Variants in CHD1 observed in about 807,000 individuals in gnomAD.
CHD1 encodes the protein ATP-dependent chromatin remodeler CHD1.
Under a neutral mutation model 224.2 loss-of-function variants are expected in CHD1, and 36 were observed. The ratio of observed to expected loss-of-function variants is 0.16; its 90% CI spans 0.12 to 0.21. The LOEUF is 0.21. Among genes scored for constraint, CHD1 ranks in the 10% least tolerant of loss-of-function variants. The pLI, the probability that CHD1 is intolerant of heterozygous loss-of-function variation, is 1.00. For synonymous variants in CHD1, 668 were observed against 658.3 expected, an observed-to-expected ratio of 1.01 and a Z score of -0.23; for missense variants, 1,378 against 1,994.8, an observed-to-expected ratio of 0.69 and a Z score of 5.89.
Position 98,896,358 on chromosome 5 carries a change from T to C in CHD1, c.1578A>G (p.Glu526=). The change falls in exon 12 of 36, where the codon GAA becomes GAG. Residue 526 remains glutamate (E), a synonymous_variant. Coordinates refer to ENST00000614616, the MANE Select transcript of CHD1 (RefSeq NM_001270.4). ...ATAAAAAAGGTCCATATAATTGATG[T>C]TCATGAAACAAATAATTCAGAAATG... ...TISFLNYLFH[E]HQLYGPFLLV... is the part of the protein sequence containing the mutation. The C allele has an allele frequency of 6.2e-7, 1 of 1,614,048 alleles. No individual in the cohort carries two copies. Among genetic ancestry groups the C allele is most frequent in the Non-Finnish European group, 8.5e-7 (1 of 1,179,926 alleles).
chr5:98,923,826 T>C (rs1009115443), intron 2 of CHD1, among the ~76,000 whole-genome samples: 12 of 152,222 alleles, frequency 7.9e-5, no homozygotes, highest in African/African-American at 2.7e-4. Context: ...AGTCAGAATA[T>C]ACCAGCACAT....
chr5:98,877,422 T>A (rs185574550), intron 23 of CHD1, among the ~76,000 whole-genome samples: 56 of 152,366 alleles, frequency 3.7e-4, no homozygotes, highest in African/African-American at 1.3e-3. Flanking sequence ...ATGAACAGAT[T>A]GATTAGCTGT....
chr5:98,889,092 T>C lies in CHD1; in HGVS notation c.2327A>G (p.Lys776Arg), dbSNP rs1248298048. ...KPPDNNEFYN[K>R]QEALQHLIRS... ...AATTCTTACTTGTAAGGCCTCCTGT[T>C]TATTATAGAATTCATTATTATCTGG... The change falls in exon 16 of 36, where the codon AAA becomes AGA. Residue 776 changes from lysine to arginine, a missense_variant. Lys to Arg is a conservative substitution (Grantham distance 26, BLOSUM62 2). Around this residue, in one of 16 missense-constraint regions of CHD1, gnomAD observed 58 missense variants for 90.0 expected, o/e 0.64. Coordinates refer to ENST00000614616, the MANE Select transcript of CHD1 (RefSeq NM_001270.4). The C allele has an allele frequency of 6.3e-7, 1 of 1,587,438 alleles. No homozygotes were observed. The highest frequency in any genetic ancestry group is 2.2e-5 in the East Asian group (1 of 44,682).
In CHD1 at chr5:98,868,505, G is replaced by A. The variant is rs763663466; in HGVS notation, c.4238C>T (p.Thr1413Ile). ...SEESEELDQK[T>I]FSICKERMRP... ...AAGTCTAAGGCTTACAATGCTGAATGTCTTCTGATCCAGCTCTTCAGATTC... is the reference window on the plus strand; with the variant it reads ...AAGTCTAAGGCTTACAATGCTGAATATCTTCTGATCCAGCTCTTCAGATTC... The change falls in exon 31 of 36, where the codon ACA becomes ATA. Residue 1413 changes from threonine (T) to isoleucine (I), a missense_variant. Thr to Ile is a moderately conservative substitution (Grantham distance 89). Coordinates refer to ENST00000614616, the MANE Select transcript of CHD1 (RefSeq NM_001270.4). 1 of 1,608,810 alleles carries A rather than the reference G, an allele frequency of 6.2e-7. No individual in the cohort carries two copies. The highest frequency in any genetic ancestry group is 8.5e-7 in the Non-Finnish European group (1 of 1,178,888).
At chr5:98,876,636 G>T in intron 23 of CHD1, 78 bp from the exon 24 acceptor site, 1 of 1,216,792 alleles carries the variant, frequency 8.2e-7, no homozygotes, top group Non-Finnish European at 1.2e-6. Flanking sequence ...TATAAAAGAT[G>T]GTCGGAATCT....
chr5:98,899,327 A>G (rs1751542131), intron 8 of CHD1, among the ~76,000 whole-genome samples, 153 bp downstream of exon 8: 2 of 152,252 alleles, frequency 1.3e-5, no homozygotes, highest in Non-Finnish European at 1.5e-5. Flanking sequence ...GAAACCAAGG[A>G]TAGAGAAGCT....
At chr5:98,913,565 G>T (rs575740295) in intron 2 of CHD1, among the ~76,000 whole-genome samples, 1 of 152,176 alleles carries the variant, frequency 6.6e-6, no homozygotes, top group Non-Finnish European at 1.5e-5. Flanking sequence ...GGACTAACTT[G>T]ATGTTCTGAA....
chr5:98,870,889 T>C (rs959962440), intron 28 of CHD1, 86 bp from the exon 29 acceptor site: 4 of 631,772 alleles, frequency 6.3e-6, no homozygotes, highest in Non-Finnish European at 1.1e-5. Context: ...CATTTAAATA[T>C]ATATATAGTT....
chr5:98,902,372 A>T (rs114316287), intron 5 of CHD1, among the ~76,000 whole-genome samples: 1 of 152,104 alleles, frequency 6.6e-6, no homozygotes, highest in African/African-American at 2.4e-5. Context: ...GGAAAATAAA[A>T]GACAAGAAAA....
intron 30 of CHD1, 155 bp from the exon 31 acceptor site, chr5:98,868,790 CAATTTTA>C (rs1297437499): frequency 1.2e-6 from 1 of 800,746 alleles, no homozygotes; most frequent in Non-Finnish European, 1.8e-6. Flanking sequence ...TTTTTTTCCC[CAATTTTA>C]TTTGGGGAAA....
At chr5:98,924,130 C>T (rs1031932872) in intron 2 of CHD1, among the ~76,000 whole-genome samples, 3 of 152,150 alleles carry the variant, frequency 2.0e-5, no homozygotes, top group Admixed American at 6.5e-5. Flanking sequence ...GTGGCATGCA[C>T]GCCTTTCAGG....
chr5:98,876,819 C>A (rs546764131), intron 23 of CHD1, among the ~76,000 whole-genome samples: 12 of 152,200 alleles, frequency 7.9e-5, no homozygotes, highest in Admixed American at 1.3e-4. Flanking sequence ...GGCATTTTTC[C>A]TGAGGAGATC....
intron 2 of CHD1, among the ~76,000 whole-genome samples, chr5:98,907,630 A>C (rs999732077): frequency 2.7e-5 from 4 of 150,570 alleles, no homozygotes; most frequent in African/African-American, 7.3e-5. Flanking sequence ...GGAATATCTT[A>C]TTTACTGCTA....
intron 2 of CHD1, among the ~76,000 whole-genome samples, chr5:98,914,990 A>C (rs779509385): frequency 1.9e-4 from 29 of 152,230 alleles, no homozygotes; most frequent in Non-Finnish European, 3.5e-4. Flanking sequence ...GAATCTGGAA[A>C]GTAGTAGGTA....
Position 98,926,422 on chromosome 5 carries a change from T to C in CHD1, c.-36A>G, listed in dbSNP as rs1284022901. 7 of 1,158,178 alleles carry C rather than the reference T, an allele frequency of 6.0e-6. No homozygotes were observed. The highest frequency in any genetic ancestry group is 8.5e-6 in the Non-Finnish European group (7 of 822,228). The allele number at this position is 1,158,178 out of a possible 1,614,324, so 71.7% of individuals were successfully genotyped here. ...TATCAAGAAGTTTTAAAGTAAAATATAAATCTTCCCAGTTTAAAAGATGAA... is the reference window on the plus strand; with the variant it reads ...TATCAAGAAGTTTTAAAGTAAAATACAAATCTTCCCAGTTTAAAAGATGAA... On this transcript the variant is annotated 5_prime_UTR_variant, in exon 2 of 36. Coordinates refer to ENST00000614616, the MANE Select transcript of CHD1 (RefSeq NM_001270.4).
rs70984334 is a variant in CHD1, at chr5:98,917,299, C to CAAAAAAAAAAAAAAAAAA, written c.53+9034_53+9035insTTTTTTTTTTTTTTTTTT. The stretch of plus-strand genomic sequence containing the variant: ...GCCCATCCCTCCAAAAACAAAGAAA[C>CAAAAAAAAAAAAAAAAAA]AAAAAAAAAAAACAACCTCTTAATT... On this transcript the variant is annotated intron_variant, in intron 2 of 35. Coordinates refer to ENST00000614616, the MANE Select transcript of CHD1 (RefSeq NM_001270.4). 2.2e-3 allele frequency among the ~76,000 whole-genome samples: 268 copies of CAAAAAAAAAAAAAAAAAA among 119,622 alleles called. 6 individuals carry two copies. Among genetic ancestry groups the CAAAAAAAAAAAAAAAAAA allele is most frequent in the African/African-American group, 4.7e-3 (118 of 25,284 alleles). 78.5% of individuals were successfully genotyped at this position (119,622 alleles called of 152,430 possible). A position where few individuals can be genotyped will look rare whatever the true frequency, so the allele number is the denominator to read the frequency against.
At position 98,856,816 on chromosome 5, in the gene CHD1, A is replaced by C. The variant is rs537497093; in HGVS notation, c.4788-91T>G. The stretch of plus-strand genomic sequence containing the variant: ...AACTAAAAAACATAAAAATACCTTA[A>C]AACATGTTTTTAATTGTATAGAAAT... On this transcript the variant is annotated intron_variant, in intron 35 of 35. Transcript: ENST00000614616. 5.0e-5 allele frequency: 42 copies of C among 841,860 alleles called. No homozygotes were observed. In the African/African-American group the frequency reaches 7.2e-4, roughly 14 times the overall value. 52.1% of individuals were successfully genotyped at this position (841,860 alleles called of 1,614,324 possible). A position where few individuals can be genotyped will look rare whatever the true frequency, so the allele number is the denominator to read the frequency against.
chr5:98,866,401 T>C (rs574665301), intron 31 of CHD1, among the ~76,000 whole-genome samples: 198 of 152,294 alleles, frequency 1.3e-3, no homozygotes, highest in African/African-American at 4.7e-3. Flanking sequence ...GGGCATGTTG[T>C]GGAATCAGTA....
At chr5:98,889,305 T>A in intron 15 of CHD1, 67 bp from the exon 16 acceptor site, 1 of 1,239,700 alleles carries the variant, frequency 8.1e-7, no homozygotes, top group Non-Finnish European at 1.1e-6. Context: ...CTAAAAGCAT[T>A]AAAACAAACA....
Sources: gnomAD v4.1 joint callset for allele counts (sites outside exome capture counted in the v4.1 genomes callset) on GRCh38, gnomAD v4.1.1 for gene constraint, gnomAD v4.1.1 regional missense constraint, MANE v1.5 for transcripts, NCBI Gene and HGNC (gene_info 2026-07-23, HGNC 2026-07-21) for gene names.